The following NAALADL2 variants were observed in gnomAD, a reference collection of about 807,000 sequenced individuals.
NAALADL2 encodes inactive N-acetylated-alpha-linked acidic dipeptidase-like protein 2.
NAALADL2 carries 76 observed loss-of-function variants against 87.2 expected under a neutral mutation model. The observed-to-expected ratio is 0.87, with a 90% CI of 0.72 to 1.05. The LOEUF is 1.05. Among genes scored for constraint, NAALADL2 ranks in the 50% least tolerant of loss-of-function variants. NAALADL2 has a pLI of 0.00. For missense variants in NAALADL2, 1,089 were observed against 945.8 expected (o/e 1.15, Z -1.99); for synonymous variants, 354 against 331.0 (o/e 1.07, Z -0.75).
intron 1 of NAALADL2, among the ~76,000 whole-genome samples, chr3:174,953,297 T>TCCTCTC (rs1740651836): frequency 1.9e-4 from 11 of 59,310 alleles, no homozygotes; most frequent in African/African-American, 2.2e-4. Context: ...CTTTCTTGCC[T>TCCTCTC]CCCCTCCCCT....
intron 2 of NAALADL2, among the ~76,000 whole-genome samples, chr3:174,590,417 C>T (rs1717239395): frequency 6.6e-6 from 1 of 151,822 alleles, no homozygotes; most frequent in Admixed American, 6.6e-5. Flanking sequence ...TTTTTTTTGA[C>T]TTAGAGTAAA....
intron 5 of NAALADL2, among the ~76,000 whole-genome samples, chr3:175,360,088 C>T (rs536977707): frequency 6.6e-6 from 1 of 152,256 alleles, no homozygotes; most frequent in South Asian, 2.1e-4. Context: ...CATCTCTACT[C>T]CCTATCTCCC....
chr3:175,613,925 C>G (rs1417047918), intron 10 of NAALADL2, among the ~76,000 whole-genome samples: 1 of 152,098 alleles, frequency 6.6e-6, no homozygotes, highest in Non-Finnish European at 1.5e-5. Context: ...TAGGATATAT[C>G]CATCTATAGA....
At chr3:175,619,995 T>G (rs1725976948) in intron 10 of NAALADL2, among the ~76,000 whole-genome samples, 1 of 151,322 alleles carries the variant, frequency 6.6e-6, no homozygotes, top group Non-Finnish European at 1.5e-5. Flanking sequence ...AGCAAGCCTC[T>G]CCTCCAAGTC....
chr3:174,516,147 G>A (rs943027344), intron 1 of NAALADL2, among the ~76,000 whole-genome samples: 2 of 152,028 alleles, frequency 1.3e-5, no homozygotes, highest in African/African-American at 4.8e-5. Flanking sequence ...TAGTGGAGTT[G>A]TAAATGTTGT....
intron 1 of NAALADL2, among the ~76,000 whole-genome samples, chr3:175,070,662 AC>A (rs1715466411): frequency 6.6e-6 from 1 of 152,064 alleles, no homozygotes; most frequent in African/African-American, 2.4e-5. Context: ...ATATGCAGAT[AC>A]TTTTTAATAG....
At chr3:174,674,088 G>C (rs1381179817) in intron 2 of NAALADL2, among the ~76,000 whole-genome samples, 1 of 151,942 alleles carries the variant, frequency 6.6e-6, no homozygotes, top group Non-Finnish European at 1.5e-5. Context: ...CTTAGGTTCT[G>C]GGGAGGTCTC....
At chr3:175,663,445 T>G (rs1275113950) in intron 11 of NAALADL2, among the ~76,000 whole-genome samples, 1 of 151,850 alleles carries the variant, frequency 6.6e-6, no homozygotes, top group African/African-American at 2.4e-5. Context: ...TCTCTCTATT[T>G]TTTAGTTGTC....
intron 2 of NAALADL2, among the ~76,000 whole-genome samples, chr3:174,689,559 A>T (rs1018394743): frequency 3.9e-5 from 6 of 152,004 alleles, no homozygotes; most frequent in African/African-American, 7.2e-5. Context: ...AGAAATGTAG[A>T]ATTCCAGGCC....
At chr3:174,919,069 T>G (rs557360346) in intron 1 of NAALADL2, among the ~76,000 whole-genome samples, 1 of 152,244 alleles carries the variant, frequency 6.6e-6, no homozygotes, top group South Asian at 2.1e-4. Context: ...AATTTAAAAA[T>G]ATTTTATTGC....
intron 11 of NAALADL2, among the ~76,000 whole-genome samples, chr3:175,654,167 A>G (rs1035531498): frequency 9.2e-5 from 14 of 152,214 alleles, no homozygotes; most frequent in Non-Finnish European, 1.6e-4. Context: ...AAAACAGTAC[A>G]GTTAGCGTAT....
intron 1 of NAALADL2, among the ~76,000 whole-genome samples, chr3:174,443,898 T>C (rs746943543): frequency 5.3e-5 from 8 of 151,460 alleles, no homozygotes; most frequent in Non-Finnish European, 8.9e-5. Flanking sequence ...TTGATGACCA[T>C]GATGTTGCCA....
chr3:175,464,454 A>C (rs1723670023), intron 7 of NAALADL2, among the ~76,000 whole-genome samples: 1 of 151,982 alleles, frequency 6.6e-6, no homozygotes, highest in Non-Finnish European at 1.5e-5. Context: ...AAATCTTCAG[A>C]TATTATGTAG....
intron 5 of NAALADL2, among the ~76,000 whole-genome samples, chr3:175,354,889 C>T (rs2148888278): frequency 6.7e-6 from 1 of 150,336 alleles, no homozygotes; most frequent in South Asian, 2.1e-4. Context: ...TATACACACA[C>T]ACACACACAC....
At chr3:174,484,100 C>T (rs534866038) in intron 1 of NAALADL2, among the ~76,000 whole-genome samples, 2 of 152,022 alleles carry the variant, frequency 1.3e-5, no homozygotes, top group East Asian at 1.9e-4. Flanking sequence ...CATGAGATGA[C>T]GGATTTAATG....
chr3:175,066,102 C>T (rs1714493734), intron 1 of NAALADL2, among the ~76,000 whole-genome samples: 1 of 152,122 alleles, frequency 6.6e-6, no homozygotes, highest in Non-Finnish European at 1.5e-5. Context: ...TGAAATGTAG[C>T]CACTCTGCAA....
At chr3:175,477,838 A>G (rs1725922967) in intron 9 of NAALADL2, among the ~76,000 whole-genome samples, 1 of 152,032 alleles carries the variant, frequency 6.6e-6, no homozygotes, top group African/African-American at 2.4e-5. Flanking sequence ...TTCACTGGTG[A>G]CACAATTTAG....
chr3:174,790,208 A>C (rs1488478975), intron 3 of NAALADL2, among the ~76,000 whole-genome samples: 2 of 152,130 alleles, frequency 1.3e-5, no homozygotes, highest in Non-Finnish European at 2.9e-5. Context: ...AAGATCGGGG[A>C]ATCTCCCTGT....
intron 1 of NAALADL2, among the ~76,000 whole-genome samples, chr3:175,013,301 A>ATATATTTTTTTTTTTTT (rs1553916905): frequency 1.4e-5 from 1 of 72,066 alleles, no homozygotes; most frequent in Non-Finnish European, 2.4e-5. Context: ...ATATATATAT[A>ATATATTTTTTTTTTTTT]TTTTTTTTTT....
Sources: allele counts gnomAD v4.1 joint callset (sites outside exome capture counted in the v4.1 genomes callset), GRCh38; gene constraint gnomAD v4.1.1; transcripts MANE v1.5; gene names NCBI Gene and HGNC (gene_info 2026-07-23, HGNC 2026-07-21).